SMARCC1: variants seen among roughly 807,000 people sequenced by gnomAD.
The protein encoded by SMARCC1 is SWI/SNF related BAF chromatin remodeling complex subunit C1, also known as SWI/SNF complex subunit SMARCC1.
A neutral mutation model predicts 147.4 loss-of-function variants in SMARCC1; 43 were observed. That is an observed-to-expected ratio of 0.29 (90% CI 0.23 to 0.38). The LOEUF is 0.38. Ranked by LOEUF, SMARCC1 falls within the 10% of genes least tolerant of loss-of-function variation. The probability of loss-of-function intolerance (pLI) is 1.00; values close to 1 mark genes in which losing one functional copy is unlikely to be tolerated. For missense variants in SMARCC1, 1,119 were observed against 1,381.1 expected (o/e 0.81, Z 3.01); for synonymous variants, 495 against 484.4 (o/e 1.02, Z -0.29).
rs2034446838 is a variant in SMARCC1 at position 47,736,585 on chromosome 3, A to G, written c.484-459T>C. Among the ~76,000 whole-genome samples the G allele has an allele frequency of 3.3e-5, 5 of 152,212 alleles. No homozygotes were observed. The South Asian group carries it at 1.0e-3, about 32-fold the overall frequency. ...CAGCTACTCGGGAGGCTGAGGCAGG[A>G]GAATGGCGTGAACCCGGGAGGTTGG... On this transcript the variant is annotated intron_variant, in intron 4 of 27. Transcript: ENST00000254480.
At chr3:47,681,836 A>G (rs2033647881) in intron 14 of SMARCC1, among the ~76,000 whole-genome samples, 1 of 152,166 alleles carries the variant, frequency 6.6e-6, no homozygotes, top group Non-Finnish European at 1.5e-5. Context: ...TAATTACATA[A>G]TTCTAATATA....
At chr3:47,671,199 C>CAAAAAAAAAAAAAAAAA (rs1431984849) in intron 18 of SMARCC1, among the ~76,000 whole-genome samples, 1 of 42,790 alleles carries the variant, frequency 2.3e-5, no homozygotes, top group African/African-American at 8.1e-5. Flanking sequence ...AAAAAAAAAA[C>CAAAAAAAAAAAAAAAAA]ACACACAAAA....
At chr3:47,605,093 A>G (rs1220736672) in intron 26 of SMARCC1, among the ~76,000 whole-genome samples, 1 of 152,212 alleles carries the variant, frequency 6.6e-6, no homozygotes, top group Non-Finnish European at 1.5e-5. Flanking sequence ...ATTTGGAAAA[A>G]TTATTATCTT....
intron 11 of SMARCC1, among the ~76,000 whole-genome samples, chr3:47,698,629 A>G (rs1178663557): frequency 6.6e-6 from 1 of 152,192 alleles, no homozygotes; most frequent in Non-Finnish European, 1.5e-5. Context: ...TGAGATATAA[A>G]TTTAACAAAA....
At chr3:47,770,479 C>G (rs147925152) in intron 2 of SMARCC1, among the ~76,000 whole-genome samples, 1 of 151,880 alleles carries the variant, frequency 6.6e-6, no homozygotes, top group East Asian at 1.9e-4. Context: ...AAAAATTAAC[C>G]AGGCATGGTG....
intron 24 of SMARCC1, among the ~76,000 whole-genome samples, chr3:47,625,665 CCCAG>C (rs1266376753): frequency 2.0e-5 from 3 of 152,072 alleles, no homozygotes; most frequent in Non-Finnish European, 2.9e-5. Flanking sequence ...TCTCATACCA[CCCAG>C]AAAAATTAAC....
At chr3:47,757,083 T>G (rs1021520415) in intron 2 of SMARCC1, among the ~76,000 whole-genome samples, 1 of 151,966 alleles carries the variant, frequency 6.6e-6, no homozygotes, top group Non-Finnish European at 1.5e-5. Flanking sequence ...AGACTGTCTC[T>G]ACAAAAAAAC....
chr3:47,751,191 C>A (rs1002740914), intron 2 of SMARCC1, among the ~76,000 whole-genome samples: 4 of 152,104 alleles, frequency 2.6e-5, no homozygotes, highest in African/African-American at 9.7e-5. Flanking sequence ...AGCCACCGCG[C>A]CTGGCCGACA....
chr3:47,620,251 TCAG>T (rs1407489520), intron 25 of SMARCC1, among the ~76,000 whole-genome samples: 1 of 151,930 alleles, frequency 6.6e-6, no homozygotes, highest in East Asian at 1.9e-4. Flanking sequence ...CTGCCTGAAC[TCAG>T]GAGTTCGAGA....
At chr3:47,748,019 A>G (rs930268787) in intron 2 of SMARCC1, among the ~76,000 whole-genome samples, 13 of 152,024 alleles carry the variant, frequency 8.6e-5, no homozygotes, top group Admixed American at 7.2e-4. Flanking sequence ...TTAGCCAGGC[A>G]TGGTGGCGGG....
intron 12 of SMARCC1, among the ~76,000 whole-genome samples, chr3:47,692,498 C>A (rs1266247993): frequency 1.3e-5 from 2 of 152,172 alleles, no homozygotes; most frequent in South Asian, 2.1e-4. Context: ...TGAAAAAGTA[C>A]TTTAATTAGA....
intron 2 of SMARCC1, among the ~76,000 whole-genome samples, chr3:47,769,233 A>G (rs1420549920): frequency 1.4e-3 from 204 of 147,634 alleles, no homozygotes; most frequent in African/African-American, 4.8e-3. Flanking sequence ...AAAAAAAAAA[A>G]GGGCCGGGCA....
At chr3:47,695,578 C>T (rs1269553170) in intron 11 of SMARCC1, among the ~76,000 whole-genome samples, 1 of 147,794 alleles carries the variant, frequency 6.8e-6, no homozygotes. Context: ...ACCAGCCTGG[C>T]CAACGTGGTG....
intron 21 of SMARCC1, among the ~76,000 whole-genome samples, chr3:47,639,151 T>A (rs939850330): frequency 2.6e-5 from 4 of 152,190 alleles, no homozygotes; most frequent in African/African-American, 9.6e-5. Flanking sequence ...ATTTTCTGTA[T>A]GTATTAAAAT....
intron 2 of SMARCC1, among the ~76,000 whole-genome samples, chr3:47,761,938 A>G (rs1443728597): frequency 6.6e-6 from 1 of 151,992 alleles, no homozygotes; most frequent in African/African-American, 2.4e-5. Flanking sequence ...CCTCCTGAAT[A>G]GCTGGGATTT....
intron 2 of SMARCC1, among the ~76,000 whole-genome samples, chr3:47,758,065 A>C (rs2034722997): frequency 6.6e-6 from 1 of 152,158 alleles, no homozygotes; most frequent in Non-Finnish European, 1.5e-5. Flanking sequence ...TGAATAAAAA[A>C]AATTGTGGTG....
chr3:47,710,219 G>A (rs2034067205), intron 9 of SMARCC1, among the ~76,000 whole-genome samples: 1 of 152,144 alleles, frequency 6.6e-6, no homozygotes, highest in Non-Finnish European at 1.5e-5. Context: ...TGGGAGGCTT[G>A]AGGCAGGAGA....
At position 47,586,418 on chromosome 3, in the gene SMARCC1, T is replaced by C. The variant is rs1366519365; in HGVS notation, c.*1791A>G. On this transcript the variant is annotated 3_prime_UTR_variant, in exon 28 of 28. Transcript: ENST00000254480. Reference sequence around the variant, plus strand: ...CAAATGCATTGGAACTAAGCTCCAGTAGGAATAAACTCATTCTCATTTCCA... The same window carrying C: ...CAAATGCATTGGAACTAAGCTCCAGCAGGAATAAACTCATTCTCATTTCCA... The C allele has an allele frequency of 1.3e-5, 2 of 152,288 alleles. No individual in the cohort carries two copies. The highest frequency in any genetic ancestry group is 4.8e-5 in the African/African-American group (2 of 41,412). 9.4% of individuals were successfully genotyped at this position (152,288 alleles called of 1,614,324 possible).
In SMARCC1 at chr3:47,741,358, C is replaced by T. The variant is rs1173288870; in HGVS notation, c.402-3248G>A. 2.3e-4 allele frequency among the ~76,000 whole-genome samples: 9 copies of T among 38,610 alleles called. No individual in the cohort carries two copies. The East Asian group carries it at 6.3e-3, about 27-fold the overall frequency. 25.3% of individuals were successfully genotyped at this position (38,610 alleles called of 152,430 possible). A position where few individuals can be genotyped will look rare whatever the true frequency, so the allele number is the denominator to read the frequency against. Reference sequence around the variant, plus strand: ...AGATAAGGGAAATTTGAACACTCAACGATTTAATATTAAAAATTATTGCTA... The same window carrying T: ...AGATAAGGGAAATTTGAACACTCAATGATTTAATATTAAAAATTATTGCTA... On this transcript the variant is annotated intron_variant, in intron 3 of 27. Coordinates refer to ENST00000254480, the MANE Select transcript of SMARCC1 (RefSeq NM_003074.4).
Sources: gnomAD v4.1 joint callset for allele counts (sites outside exome capture counted in the v4.1 genomes callset) on GRCh38, gnomAD v4.1.1 for gene constraint, MANE v1.5 for transcripts, NCBI Gene and HGNC (gene_info 2026-07-23, HGNC 2026-07-21) for gene names.